The following RNF130 variants were observed in gnomAD, a reference collection of about 807,000 sequenced individuals.
RNF130 encodes the protein E3 ubiquitin-protein ligase RNF130.
Under a neutral mutation model 44.6 loss-of-function variants are expected in RNF130, and 21 were observed. The observed-to-expected ratio is 0.47, with a 90% confidence interval of 0.33 to 0.68. The LOEUF (loss-of-function observed/expected upper bound fraction) is 0.68. RNF130 is among the 30% of genes least tolerant of loss of function. RNF130 has a pLI of 0.02. For missense variants in RNF130, 479 were observed against 560.6 expected, an observed-to-expected ratio of 0.85 and a Z score of 1.47; for synonymous variants, 214 against 210.4, an observed-to-expected ratio of 1.02 and a Z score of -0.15.
chr5:179,967,957 G>A (rs982509628), intron 6 of RNF130, among the ~76,000 whole-genome samples: 6 of 152,188 alleles, frequency 3.9e-5, no homozygotes, highest in Non-Finnish European at 5.9e-5. Flanking sequence ...CATTTTAGGA[G>A]GATTTTTGTT....
rs888859744 is a variant in RNF130, at chr5:180,004,433, C to A, written c.693+8628G>T. ...AAGCCCCAGAAAGAGATGAGGAGAT[C>A]TGTCTGAAGTTACTAAAAGTATTCG... On this transcript the variant is annotated intron_variant, in intron 3 of 8. Coordinates refer to ENST00000521389, the MANE Select transcript of RNF130 (RefSeq NM_018434.6). Among the ~76,000 whole-genome samples, 2 of 152,212 alleles carry A rather than the reference C, an allele frequency of 1.3e-5. 1 individual carries two copies. Among genetic ancestry groups the A allele is most frequent in the Admixed American group, 1.3e-4 (2 of 15,290 alleles).
intron 2 of RNF130, among the ~76,000 whole-genome samples, chr5:180,038,922 T>G (rs538506632): frequency 3.3e-4 from 51 of 152,332 alleles, no homozygotes; most frequent in African/African-American, 1.2e-3. Context: ...GAAGATAAGT[T>G]ACATTAGGCC....
At chr5:180,014,510 T>C (rs1232381516) in intron 2 of RNF130, among the ~76,000 whole-genome samples, 1 of 152,196 alleles carries the variant, frequency 6.6e-6, no homozygotes, top group African/African-American at 2.4e-5. Context: ...ATAAGGTTTG[T>C]ACATATCAAT....
chr5:179,972,159 C>T (rs1762599836), intron 5 of RNF130, among the ~76,000 whole-genome samples: 1 of 152,116 alleles, frequency 6.6e-6, no homozygotes, highest in Admixed American at 6.5e-5. Flanking sequence ...CCAGGGTGTC[C>T]CCAGGGCCAG....
intron 8 of RNF130, among the ~76,000 whole-genome samples, chr5:179,958,617 CT>C (rs1340586323): frequency 6.6e-6 from 1 of 152,194 alleles, no homozygotes. Flanking sequence ...GAATCAGGTC[CT>C]GGTGCAGGCT....
At chr5:180,056,210 T>A (rs552724394) in intron 1 of RNF130, among the ~76,000 whole-genome samples, 2 of 152,216 alleles carry the variant, frequency 1.3e-5, no homozygotes, top group South Asian at 4.2e-4. Context: ...TTCCCGCTGT[T>A]ACTCTTAGCC....
intron 3 of RNF130, among the ~76,000 whole-genome samples, chr5:179,987,727 G>T (rs539510139): frequency 2.0e-5 from 3 of 152,304 alleles, no homozygotes; most frequent in African/African-American, 7.2e-5. Context: ...TGAGAATCTG[G>T]TATTTGTTGT....
chr5:179,993,638 T>C (rs1323344691), intron 3 of RNF130, among the ~76,000 whole-genome samples: 6 of 152,228 alleles, frequency 3.9e-5, no homozygotes, highest in African/African-American at 1.4e-4. Flanking sequence ...CTTTGTCAGA[T>C]GGGTAGATTG....
At chr5:180,028,574 G>T (rs892963535) in intron 2 of RNF130, among the ~76,000 whole-genome samples, 64 of 152,006 alleles carry the variant, frequency 4.2e-4, no homozygotes, top group Non-Finnish European at 6.6e-4. Flanking sequence ...AACCCCTTTC[G>T]TAATAACACT....
rs1320737836 is a variant in RNF130, at chr5:180,035,554, C to G, written c.442+4899G>C. Among the ~76,000 whole-genome samples the G allele has an allele frequency of 2.0e-5, 3 of 152,176 alleles. No individual in the cohort carries two copies. The South Asian group carries it at 6.2e-4, about 31-fold the overall frequency. ...GTTGGTCAAGGTTTCTATATGCTTGCTAATTTTCTATCTAGCTATTCTATC... is the reference window on the plus strand; with the variant it reads ...GTTGGTCAAGGTTTCTATATGCTTGGTAATTTTCTATCTAGCTATTCTATC... On this transcript the variant is annotated intron_variant, in intron 2 of 8. Coordinates refer to ENST00000521389, the MANE Select transcript of RNF130 (RefSeq NM_018434.6).
At chr5:179,993,781 T>A (rs1183378546) in intron 3 of RNF130, among the ~76,000 whole-genome samples, 1 of 152,242 alleles carries the variant, frequency 6.6e-6, no homozygotes, top group African/African-American at 2.4e-5. Flanking sequence ...TTTGGTGTTT[T>A]AGACATGAAG....
chr5:180,046,715 G>A (rs906856290), intron 1 of RNF130, among the ~76,000 whole-genome samples: 2 of 152,148 alleles, frequency 1.3e-5, no homozygotes, highest in African/African-American at 2.4e-5. Context: ...CTGAGCCTCA[G>A]GATTCTGCCA....
At chr5:179,911,738 C>T (rs1561655309) in exon 8 of RNF130, 1 of 152,146 alleles carries the variant, frequency 6.6e-6, no homozygotes, top group Non-Finnish European at 1.5e-5. Flanking sequence ...TAGGTATATA[C>T]CATACAATTT....
chr5:179,911,768 C>A (rs903767753), exon 8 of RNF130: 1 of 152,188 alleles, frequency 6.6e-6, no homozygotes, highest in Non-Finnish European at 1.5e-5. Flanking sequence ...ATTATACTTA[C>A]ACCAACCATG....
intron 4 of RNF130, among the ~76,000 whole-genome samples, chr5:179,979,118 G>A (rs1282441213): frequency 2.0e-5 from 3 of 151,858 alleles, no homozygotes; most frequent in African/African-American, 7.3e-5. Flanking sequence ...GGTTAAATCC[G>A]CTCCAGGGAA....
At chr5:180,004,370 A>G (rs1410100944) in intron 3 of RNF130, among the ~76,000 whole-genome samples, 4 of 152,244 alleles carry the variant, frequency 2.6e-5, no homozygotes. Flanking sequence ...GAAATGACAA[A>G]ACCACAGAAA....
downstream of RNF130, among the ~76,000 whole-genome samples, chr5:179,953,229 G>C (rs150027697): frequency 6.6e-6 from 1 of 151,388 alleles, no homozygotes; most frequent in East Asian, 1.9e-4. Context: ...CTCATGAGTT[G>C]GAAGACAATA....
chr5:179,912,706 G>A (rs928048224), exon 8 of RNF130: 3 of 152,254 alleles, frequency 2.0e-5, no homozygotes, highest in African/African-American at 7.2e-5. Flanking sequence ...GAAATGGCCA[G>A]GACGGTATAT....
intron 2 of RNF130, 81 bp from the exon 3 acceptor site, chr5:180,013,392 T>A: frequency 8.2e-7 from 1 of 1,224,850 alleles, no homozygotes; most frequent in Non-Finnish European, 1.1e-6. Flanking sequence ...GCTACTTAGG[T>A]AACTACTATA....
Sources: gnomAD v4.1 joint callset for allele counts (sites outside exome capture counted in the v4.1 genomes callset) on GRCh38, gnomAD v4.1.1 for gene constraint, MANE v1.5 for transcripts, NCBI Gene and HGNC (gene_info 2026-07-23, HGNC 2026-07-21) for gene names.